The following CFAP61 variants were observed in gnomAD, a reference collection of about 807,000 sequenced individuals.
The protein encoded by CFAP61 is cilia and flagella associated protein 61, also known as cilia- and flagella-associated protein 61.
CFAP61 carries 107 observed loss-of-function variants against 135.6 expected under a neutral mutation model. The ratio of observed to expected loss-of-function variants is 0.79; its 90% CI spans 0.67 to 0.93. The LOEUF (loss-of-function observed/expected upper bound fraction) is 0.93, where lower values mean the gene tolerates loss of function less well. Among genes scored for constraint, CFAP61 ranks in the 40% least tolerant of loss-of-function variants. The pLI, the probability that CFAP61 is intolerant of heterozygous loss-of-function variation, is 0.00. For synonymous variants in CFAP61, 575 were observed against 578.5 expected (o/e 0.99, Z 0.09); for missense variants, 1,507 against 1,556.2 (o/e 0.97, Z 0.53).
intron 26 of CFAP61, among the ~76,000 whole-genome samples, chr20:20,348,176 C>T (rs532876957): frequency 6.6e-6 from 1 of 152,158 alleles, no homozygotes; most frequent in South Asian, 2.1e-4. Context: ...ATCAGCATTA[C>T]CCTAATACCA....
At chr20:20,333,064 C>T (rs1402398391) in intron 25 of CFAP61, among the ~76,000 whole-genome samples, 1 of 152,208 alleles carries the variant, frequency 6.6e-6, no homozygotes, top group Non-Finnish European at 1.5e-5. Context: ...AGGAGAAAAA[C>T]TGCAGTTATG....
chr20:20,342,138 T>C (rs2058466229), intron 26 of CFAP61, among the ~76,000 whole-genome samples: 1 of 152,236 alleles, frequency 6.6e-6, no homozygotes, highest in African/African-American at 2.4e-5. Flanking sequence ...GGCAAATTTC[T>C]TTTTCCTTTT....
At chr20:20,231,292 G>A (rs945342260) in intron 18 of CFAP61, among the ~76,000 whole-genome samples, 1 of 152,130 alleles carries the variant, frequency 6.6e-6, no homozygotes, top group African/African-American at 2.4e-5. Flanking sequence ...CTTGTCTGTG[G>A]TTGTCAGGCC....
At chr20:20,357,266 G>A (rs1339322374) in intron 26 of CFAP61, among the ~76,000 whole-genome samples, 26 of 34,720 alleles carry the variant, frequency 7.5e-4, no homozygotes, top group African/African-American at 3.5e-3. Context: ...GTGAAGGGTG[G>A]TAGTCACACT....
At chr20:20,325,536 C>T (rs1203604824) in intron 25 of CFAP61, among the ~76,000 whole-genome samples, 4 of 152,184 alleles carry the variant, frequency 2.6e-5, no homozygotes, top group African/African-American at 9.7e-5. Flanking sequence ...TAGTAATATG[C>T]TTTTAAGGTT....
At chr20:20,182,240 A>T (rs188105935) in intron 13 of CFAP61, among the ~76,000 whole-genome samples, 87 of 152,294 alleles carry the variant, frequency 5.7e-4, no homozygotes, top group Admixed American at 3.7e-3. Flanking sequence ...GTTGGTACGG[A>T]TGACATAATA....
intron 26 of CFAP61, among the ~76,000 whole-genome samples, chr20:20,358,273 G>T (rs1007695785): frequency 6.6e-6 from 1 of 151,994 alleles, no homozygotes; most frequent in Admixed American, 6.6e-5. Flanking sequence ...CATACTGTGA[G>T]GGGAGGTGGT....
At chr20:20,320,478 A>C (rs1404310166) in intron 25 of CFAP61, among the ~76,000 whole-genome samples, 1 of 7,040 alleles carries the variant, frequency 1.4e-4, no homozygotes, top group Non-Finnish European at 4.4e-4. Context: ...TAATATATGT[A>C]ATATATAATA....
chr20:20,170,522 T>C (rs1307929450), intron 13 of CFAP61, among the ~76,000 whole-genome samples: 1 of 152,198 alleles, frequency 6.6e-6, no homozygotes, highest in Non-Finnish European at 1.5e-5. Context: ...TTCTATCTTA[T>C]TTTTACAAAA....
chr20:20,238,664 G>T lies in CFAP61; in HGVS notation c.2061-7453G>T, dbSNP rs2049780377. 3.9e-5 allele frequency among the ~76,000 whole-genome samples: 6 copies of T among 152,276 alleles called. No homozygotes were observed. The South Asian group carries it at 1.2e-3, about 32-fold the overall frequency. ...CCCAGAAGGGTAAGCACCATGAAAA[G>T]TTTTATGTTTCTTTTATCATGTTCA... On this transcript the variant is annotated intron_variant, in intron 18 of 26. Coordinates refer to ENST00000245957, the MANE Select transcript of CFAP61 (RefSeq NM_015585.4).
chr20:20,351,437 C>T (rs574408934), intron 26 of CFAP61, among the ~76,000 whole-genome samples: 12 of 152,072 alleles, frequency 7.9e-5, no homozygotes, highest in African/African-American at 2.7e-4. Flanking sequence ...AAAAAATTAG[C>T]CAGATGTGGT....
At chr20:20,317,374 C>T (rs1036293917) in intron 25 of CFAP61, among the ~76,000 whole-genome samples, 2 of 152,300 alleles carry the variant, frequency 1.3e-5, no homozygotes, top group Middle Eastern at 3.4e-3. Flanking sequence ...TGCACTGCTG[C>T]AGGCCCCAAA....
chr20:20,215,430 T>A (rs1229426766), intron 17 of CFAP61, among the ~76,000 whole-genome samples: 2 of 152,236 alleles, frequency 1.3e-5, no homozygotes, highest in African/African-American at 4.8e-5. Flanking sequence ...AAGGATTTTG[T>A]TCTTAAAACA....
chr20:20,083,060 A>G (rs2046539875), intron 6 of CFAP61, among the ~76,000 whole-genome samples: 1 of 152,228 alleles, frequency 6.6e-6, no homozygotes, highest in Non-Finnish European at 1.5e-5. Flanking sequence ...ATAGCAGCAC[A>G]ATTTACAATT....
chr20:20,140,492 A>G (rs536489667), intron 8 of CFAP61, among the ~76,000 whole-genome samples: 28 of 152,006 alleles, frequency 1.8e-4, no homozygotes, highest in African/African-American at 6.3e-4. Context: ...ATGATTTCCA[A>G]TTTCATCCAT....
At chr20:20,141,856 ACT>A (rs1354156397) in intron 8 of CFAP61, among the ~76,000 whole-genome samples, 1 of 152,028 alleles carries the variant, frequency 6.6e-6, no homozygotes, top group Non-Finnish European at 1.5e-5. Context: ...GCATGCCCAC[ACT>A]CACGGAGACA....
chr20:20,079,384 C>T (rs953523871), intron 6 of CFAP61, among the ~76,000 whole-genome samples: 26 of 152,144 alleles, frequency 1.7e-4, no homozygotes, highest in African/African-American at 4.6e-4. Context: ...TTGCAGTGAG[C>T]GGAATAAATG....
chr20:20,173,071 T>C, intron 13 of CFAP61, among the ~76,000 whole-genome samples: 1 of 152,160 alleles, frequency 6.6e-6, no homozygotes, highest in South Asian at 2.1e-4. Flanking sequence ...TTTCACGGAT[T>C]AGTATGTTTT....
intron 14 of CFAP61, 54 bp downstream of exon 14, chr20:20,188,110 T>C (rs1287193551): frequency 1.9e-6 from 3 of 1,593,340 alleles, no homozygotes; most frequent in Non-Finnish European, 2.6e-6. Context: ...TGATGACCCA[T>C]GTAGATTCAG....
Sources: allele counts gnomAD v4.1 joint callset (sites outside exome capture counted in the v4.1 genomes callset), GRCh38; gene constraint gnomAD v4.1.1; transcripts MANE v1.5; gene names NCBI Gene and HGNC (gene_info 2026-07-23, HGNC 2026-07-21).